Variants in EFEMP1 observed in about 807,000 individuals in gnomAD.
The protein encoded by EFEMP1 is EGF-containing fibulin-like extracellular matrix protein 1.
Under a neutral mutation model 65.7 loss-of-function variants are expected in EFEMP1, and 18 were observed. The observed-to-expected ratio is 0.27, with a 90% CI of 0.19 to 0.41. The LOEUF is 0.41. EFEMP1 is among the 10% of genes least tolerant of loss of function. The probability of loss-of-function intolerance (pLI) is 1.00; values close to 1 mark genes in which losing one functional copy is unlikely to be tolerated. For missense variants in EFEMP1, 469 were observed against 624.8 expected (o/e 0.75, Z 2.66); for synonymous variants, 237 against 219.7 (o/e 1.08, Z -0.70).
At chr2:55,895,633 CG>C (rs1327862490) in intron 5 of EFEMP1, among the ~76,000 whole-genome samples, 1 of 151,946 alleles carries the variant, frequency 6.6e-6, no homozygotes, top group Non-Finnish European at 1.5e-5. Flanking sequence ...GCTCCGCCCC[CG>C]GGGTTCACGC....
In EFEMP1 at chr2:55,877,766, G is replaced by GAACTGCCTACAA; in HGVS notation, c.739_740insTTGTAGGCAGTT (p.Ala247delinsValValGlySerSer). 1 of 1,613,158 alleles carries GAACTGCCTACAA rather than the reference G, an allele frequency of 6.2e-7. No homozygotes were observed. The highest frequency in any genetic ancestry group is 8.5e-7 in the Non-Finnish European group (1 of 1,179,322). ...CTTACCTACGCAGGTATAGTTGTTTGCTGCCAATTGAAACCCAGGACTGCA... is the reference window on the plus strand; with the variant it reads ...CTTACCTACGCAGGTATAGTTGTTTGAACTGCCTACAACTGCCAATTGAAACCCAGGACTGCA... On this transcript the variant is annotated protein_altering_variant, in exon 7 of 12. Transcript: ENST00000355426. This position sits in a 1 kb window ranked among gnomAD's most constrained non-coding sequence, Gnocchi z 4.5.
rs1670852264 is a variant in EFEMP1 at position 55,919,814 on chromosome 2, T to G, written c.82-1547A>C. ...AAACAGTGTTAAAGGTACCACTACCTTTTTCGAAACCCAGGATTCCAACTT... is the reference window on the plus strand; with the variant it reads ...AAACAGTGTTAAAGGTACCACTACCGTTTTCGAAACCCAGGATTCCAACTT... On this transcript the variant is annotated intron_variant, in intron 3 of 11. Transcript: ENST00000355426. This position sits in a 1 kb window ranked among gnomAD's most constrained non-coding sequence, Gnocchi z 4.5. 6.6e-6 allele frequency among the ~76,000 whole-genome samples: 1 copy of G among 152,204 alleles called. No individual in the cohort carries two copies.
intron 5 of EFEMP1, among the ~76,000 whole-genome samples, chr2:55,893,619 A>G (rs1325603810): frequency 6.6e-6 from 1 of 152,194 alleles, no homozygotes; most frequent in African/African-American, 2.4e-5. Context: ...AAAACAATAC[A>G]CACTCAAAAT....
chr2:55,907,581 T>C (rs1670328944), intron 5 of EFEMP1, among the ~76,000 whole-genome samples: 1 of 152,238 alleles, frequency 6.6e-6, no homozygotes. Flanking sequence ...GTAAAAATGT[T>C]AATTTAATGG....
chr2:55,879,113 G>C (rs890417102), intron 6 of EFEMP1, among the ~76,000 whole-genome samples: 1 of 152,070 alleles, frequency 6.6e-6, no homozygotes, highest in Admixed American at 6.6e-5. Context: ...GTCCTTAACA[G>C]TACTCGACAT....
chr2:55,895,735 G>A (rs1007429149), intron 5 of EFEMP1, among the ~76,000 whole-genome samples: 2 of 151,562 alleles, frequency 1.3e-5, no homozygotes, highest in South Asian at 4.2e-4. Flanking sequence ...TAGAGACGGG[G>A]TTTCACTGTG....
chr2:55,867,709 G>A lies in EFEMP1; in HGVS notation c.1321-475C>T, dbSNP rs1668636396. 1.3e-5 allele frequency among the ~76,000 whole-genome samples: 2 copies of A among 152,080 alleles called. No individual in the cohort carries two copies. The highest frequency in any genetic ancestry group is 6.6e-5 in the Admixed American group (1 of 15,258). ...AGATATATGAGGTTATGCAGGGTAC[G>A]TATGAAGATACATAAAGGTGTATGT... is the stretch of plus-strand genomic sequence containing the variant. On this transcript the variant is annotated intron_variant, in intron 11 of 11. Transcript: ENST00000355426. The surrounding 1 kb of genome is among the most constrained non-coding windows in gnomAD (Gnocchi z 4.3).
Position 55,923,733 on chromosome 2 carries a change from G to A in EFEMP1, c.-71C>T, listed in dbSNP as rs960132669. On this transcript the variant is annotated 5_prime_UTR_variant, in exon 1 of 12. Transcript: ENST00000355426. This position sits in a 1 kb window ranked among gnomAD's most constrained non-coding sequence, Gnocchi z 5.3. ...TACCTGTGCGGCCGCGCTGCGCTCC[G>A]GGCCCGGGCAGCGAGGGGAGTGCGC... The A allele has an allele frequency of 4.1e-6, 4 of 985,706 alleles. No homozygotes were observed. The highest frequency in any genetic ancestry group is 4.8e-6 in the Non-Finnish European group (4 of 830,234). 61.1% of individuals were successfully genotyped at this position (985,706 alleles called of 1,614,324 possible). A position where few individuals can be genotyped will look rare whatever the true frequency, so the allele number is the denominator to read the frequency against.
intron 5 of EFEMP1, among the ~76,000 whole-genome samples, chr2:55,896,259 ATGT>A (rs1245794793): frequency 6.6e-6 from 1 of 152,234 alleles, no homozygotes; most frequent in Non-Finnish European, 1.5e-5. Flanking sequence ...AGATTAGGAG[ATGT>A]TGTGACAAAA....
At chr2:55,889,882 A>C (rs547266396) in intron 5 of EFEMP1, among the ~76,000 whole-genome samples, 90 of 152,006 alleles carry the variant, frequency 5.9e-4, no homozygotes, top group Admixed American at 2.0e-3. Context: ...AATACAAAAT[A>C]CTCCATCAAT....
At chr2:55,909,708 T>C (rs200371553) in intron 5 of EFEMP1, among the ~76,000 whole-genome samples, 1 of 152,216 alleles carries the variant, frequency 6.6e-6, no homozygotes, top group Admixed American at 6.5e-5. Flanking sequence ...CAAATATGTA[T>C]TTTAGTTAAT....
rs148177279 is a variant in EFEMP1, at chr2:55,874,992, A to G, written c.954T>C (p.Cys318=). The change falls in exon 9 of 12, where the codon TGT becomes TGC. Residue 318 remains cysteine (C), a synonymous_variant. Coordinates refer to ENST00000355426, the MANE Select transcript of EFEMP1 (RefSeq NM_001039348.3). ...QCVNEPGKFS[C]MCPQGYQVVR... is the part of the protein sequence containing the mutation. ...CCACTTGGTATCCCTGGGGGCACAT[A>G]CATGAGAATTTCCCAGGTTCATTGA... 3.0e-5 allele frequency: 49 copies of G among 1,609,848 alleles called. No homozygotes were observed. Among genetic ancestry groups the G allele is most frequent in the Admixed American group, 1.3e-4 (8 of 59,746 alleles).
chr2:55,918,310 T>C lies in EFEMP1; in HGVS notation c.82-43A>G, dbSNP rs1188393824. 3 of 1,607,088 alleles carry C rather than the reference T, an allele frequency of 1.9e-6. No homozygotes were observed. The African/African-American group carries it at 4.0e-5, about 21-fold the overall frequency. On this transcript the variant is annotated intron_variant, in intron 3 of 11. Transcript: ENST00000355426. ...AAGGTGGGGCCAGGAGACAGTTAATTGGTGTGTCCATTCCCTAAGAAATCA... is the reference window on the plus strand; with the variant it reads ...AAGGTGGGGCCAGGAGACAGTTAATCGGTGTGTCCATTCCCTAAGAAATCA...
intron 5 of EFEMP1, among the ~76,000 whole-genome samples, chr2:55,889,824 TAAA>T (rs3048101): frequency 3.5e-5 from 5 of 142,364 alleles, no homozygotes; most frequent in African/African-American, 1.3e-4. Flanking sequence ...AAAGGAATGG[TAAA>T]AAAAAAAAAT....
rs1670946422 is a variant in EFEMP1 at position 55,922,659 on chromosome 2, G to A, written c.-7-212C>T. 1 of 558,878 alleles carries A rather than the reference G, an allele frequency of 1.8e-6. No homozygotes were observed. Among genetic ancestry groups the A allele is most frequent in the African/African-American group, 1.9e-5 (1 of 52,644 alleles). 34.6% of individuals were successfully genotyped at this position (558,878 alleles called of 1,614,324 possible). ...CAGCAAAGACGTAAAAACTGCTGTA[G>A]AATTGCATTTCACGTTACTCCATCC... On this transcript the variant is annotated intron_variant, in intron 2 of 11. Coordinates refer to ENST00000355426, the MANE Select transcript of EFEMP1 (RefSeq NM_001039348.3). This position sits in a 1 kb window ranked among gnomAD's most constrained non-coding sequence, Gnocchi z 5.5.
chr2:55,906,603 T>G (rs1490914418), intron 5 of EFEMP1, among the ~76,000 whole-genome samples: 2 of 150,860 alleles, frequency 1.3e-5, no homozygotes, highest in Non-Finnish European at 3.0e-5. Context: ...CTTCTGATAT[T>G]CCAGGACATG....
rs1341693068 is a variant in EFEMP1 at position 55,867,007 on chromosome 2, A to G, written c.*66T>C. 8.8e-6 allele frequency: 14 copies of G among 1,589,090 alleles called. No homozygotes were observed. The highest frequency in any genetic ancestry group is 1.2e-5 in the Non-Finnish European group (14 of 1,159,582). On this transcript the variant is annotated 3_prime_UTR_variant, in exon 12 of 12. Transcript: ENST00000355426. This position sits in a 1 kb window ranked among gnomAD's most constrained non-coding sequence, Gnocchi z 4.3. ...TGCACTAGATATATCTATAAATAAAATAGTGCTTTAAGGTAACAATATTCT... is the reference window on the plus strand; with the variant it reads ...TGCACTAGATATATCTATAAATAAAGTAGTGCTTTAAGGTAACAATATTCT...
chr2:55,912,387 G>T (rs1013436470), intron 5 of EFEMP1, among the ~76,000 whole-genome samples: 2 of 152,006 alleles, frequency 1.3e-5, no homozygotes, highest in African/African-American at 2.4e-5. Context: ...TAAGCCACTT[G>T]GTTACACTAT....
intron 5 of EFEMP1, among the ~76,000 whole-genome samples, chr2:55,916,107 A>ATT (rs576215544): frequency 0.02 from 2,651 of 129,406 alleles, 51 homozygotes; most frequent in South Asian, 0.064. Flanking sequence ...AGTTTCCTTC[A>ATT]TTTTTTTTTT....
Sources: gnomAD v4.1 joint callset for allele counts (sites outside exome capture counted in the v4.1 genomes callset) on GRCh38, gnomAD v4.1.1 for gene constraint, Gnocchi (gnomAD v3.1) non-coding constraint, MANE v1.5 for transcripts, NCBI Gene and HGNC (gene_info 2026-07-23, HGNC 2026-07-21) for gene names.